SUMF1: variants seen among roughly 807,000 people sequenced by gnomAD.
The protein encoded by SUMF1 is sulfatase modifying factor 1.
A neutral mutation model predicts 47.6 loss-of-function variants in SUMF1; 48 were observed. That is an observed-to-expected ratio of 1.01 (90% CI 0.80 to 1.28). The LOEUF (loss-of-function observed/expected upper bound fraction) is 1.28, where lower values mean the gene tolerates loss of function less well. Ranked by LOEUF, SUMF1 falls within the 50% of genes most tolerant of loss-of-function variation. The pLI is 0.00. For missense variants in SUMF1, 571 were observed against 485.4 expected (o/e 1.18, Z -1.66); for synonymous variants, 230 against 192.1 (o/e 1.20, Z -1.63).
Position 4,155,955 on chromosome 3 carries a change from A to AC in SUMF1, c.1015-87211dup, listed in dbSNP as rs955175636. 7.9e-5 allele frequency among the ~76,000 whole-genome samples: 12 copies of AC among 151,252 alleles called. 1 individual carries two copies. The highest frequency in any genetic ancestry group is 3.0e-4 in the African/African-American group (12 of 40,642). On this transcript the variant is annotated intron_variant and NMD_transcript_variant, in intron 8 of 12. Transcript: ENST00000448413. The stretch of plus-strand genomic sequence containing the variant: ...TCCCTTTCCCCTGAACACAGTAATT[A>AC]CCCCAGGTATAACACTTGACCAAAG...
intron 8 of SUMF1, among the ~76,000 whole-genome samples, chr3:4,091,934 AC>A (rs1157476361): frequency 1.3e-5 from 2 of 151,162 alleles, no homozygotes; most frequent in Admixed American, 6.6e-5. Flanking sequence ...TAATACTTGG[AC>A]CCCCCTCAAA....
At chr3:4,114,889 T>C (rs1198637234) in intron 8 of SUMF1, among the ~76,000 whole-genome samples, 1 of 152,108 alleles carries the variant, frequency 6.6e-6, no homozygotes, top group Non-Finnish European at 1.5e-5. Context: ...AGGGAAAATA[T>C]CTAGTCCTTG....
intron 3 of SUMF1, among the ~76,000 whole-genome samples, chr3:4,422,113 A>T (rs1387238788): frequency 6.6e-6 from 1 of 152,180 alleles, no homozygotes; most frequent in Non-Finnish European, 1.5e-5. Context: ...TTTTACAGAG[A>T]ACAGGGGAGT....
intron 1 of SUMF1, among the ~76,000 whole-genome samples, chr3:4,454,395 G>T (rs1174591391): frequency 6.6e-6 from 1 of 152,188 alleles, no homozygotes; most frequent in East Asian, 1.9e-4. Context: ...TCCACTTCAT[G>T]ATCACTAGCA....
At chr3:4,379,721 A>C (rs550910215) in intron 7 of SUMF1, among the ~76,000 whole-genome samples, 1 of 152,236 alleles carries the variant, frequency 6.6e-6, no homozygotes, top group East Asian at 1.9e-4. Flanking sequence ...ACACACCTAT[A>C]GTCCCAGCTA....
chr3:4,335,960 C>CAAAAAAAACAAAAAAAAAAAAAAAAAAA, intron 8 of SUMF1, among the ~76,000 whole-genome samples: 1 of 73,900 alleles, frequency 1.4e-5, no homozygotes, highest in African/African-American at 7.1e-5. Context: ...GATTCCAACT[C>CAAAAAAAACAAAAAAAAAAAAAAAAAAA]AAAAAAAAAA....
chr3:4,350,936 C>CA (rs1259032552), intron 8 of SUMF1, among the ~76,000 whole-genome samples: 4 of 144,024 alleles, frequency 2.8e-5, no homozygotes, highest in African/African-American at 1.1e-4. Context: ...ATTTGTACAA[C>CA]AAAAAAAGAA....
intron 8 of SUMF1, among the ~76,000 whole-genome samples, chr3:4,133,859 C>A (rs905610452): frequency 7.2e-5 from 11 of 152,024 alleles, no homozygotes; most frequent in Non-Finnish European, 1.0e-4. Context: ...CTGACTAATA[C>A]AGGTGTCTAC....
intron 8 of SUMF1, among the ~76,000 whole-genome samples, chr3:4,190,833 T>A (rs1695299359): frequency 6.6e-6 from 1 of 152,116 alleles, no homozygotes; most frequent in African/African-American, 2.4e-5. Flanking sequence ...CACAGATGGG[T>A]ATTCATTCAC....
intron 9 of SUMF1, among the ~76,000 whole-genome samples, chr3:4,066,859 G>A (rs1695389278): frequency 6.6e-6 from 1 of 152,180 alleles, no homozygotes; most frequent in Admixed American, 6.5e-5. Context: ...TCGCATACGA[G>A]CATAAGACCT....
intron 7 of SUMF1, among the ~76,000 whole-genome samples, chr3:4,408,805 T>C (rs1236549628): frequency 6.6e-6 from 1 of 151,938 alleles, no homozygotes; most frequent in Non-Finnish European, 1.5e-5. Flanking sequence ...ACCCCGTTTC[T>C]ACTAAAAATA....
In SUMF1 at chr3:4,150,380, G is replaced by A. The variant is rs150616426; in HGVS notation, c.1015-81635C>T. Among the ~76,000 whole-genome samples, 382 of 151,564 alleles carry A rather than the reference G, an allele frequency of 2.5e-3. 26 individuals are homozygous for A. Among genetic ancestry groups the A allele is most frequent in the African/African-American group, 9.0e-3 (369 of 40,970 alleles). On this transcript the variant is annotated intron_variant and NMD_transcript_variant, in intron 8 of 12. Coordinates refer to the SUMF1 transcript ENST00000448413. The stretch of plus-strand genomic sequence containing the variant: ...AGTTTGCGACCAGCCTGGGCAACAC[G>A]GTGAAATCCCGTCTCTACTAAAACA...
At position 4,421,800 on chromosome 3, in the gene SUMF1, T is replaced by TAATACA. The variant is rs553875758; in HGVS notation, c.520-1660_520-1655dup. On this transcript the variant is annotated intron_variant, in intron 3 of 8. Transcript: ENST00000272902. ...GCACCTGGCCTGCAAATGATTCTTC[T>TAATACA]AATACAAATACAAATACAAAAGAAA... is the stretch of plus-strand genomic sequence containing the variant. Among the ~76,000 whole-genome samples the TAATACA allele has an allele frequency of 3.2e-4, 49 of 152,282 alleles. 1 individual carries two copies. The highest frequency in any genetic ancestry group is 1.1e-3 in the African/African-American group (46 of 41,548).
At chr3:4,315,962 A>G (rs192148259) in intron 8 of SUMF1, among the ~76,000 whole-genome samples, 174 of 150,474 alleles carry the variant, frequency 1.2e-3, no homozygotes, top group South Asian at 2.3e-3. Flanking sequence ...TACGAGAATC[A>G]CTTGAGCCCA....
At chr3:4,100,115 C>A (rs1336577177) in intron 8 of SUMF1, among the ~76,000 whole-genome samples, 4 of 150,760 alleles carry the variant, frequency 2.7e-5, no homozygotes, top group Non-Finnish European at 5.9e-5. Flanking sequence ...TCTATAGTAA[C>A]CAAAGCAATC....
chr3:4,316,300 G>T (rs760872681), intron 8 of SUMF1: 2 of 1,089,750 alleles, frequency 1.8e-6, no homozygotes, highest in Non-Finnish European at 2.7e-6. Context: ...GAAACAACTC[G>T]CAACATCAAC....
chr3:4,306,084 C>T (rs533434074), intron 8 of SUMF1, among the ~76,000 whole-genome samples: 158 of 152,222 alleles, frequency 1.0e-3, no homozygotes, highest in African/African-American at 3.5e-3. Flanking sequence ...AACAGAAAAA[C>T]GCACTCTACC....
chr3:4,310,178 T>C (rs908020954), intron 8 of SUMF1, among the ~76,000 whole-genome samples: 1 of 152,188 alleles, frequency 6.6e-6, no homozygotes, highest in Non-Finnish European at 1.5e-5. Context: ...CAAAAAGTCA[T>C]TATGCAGCAC....
intron 7 of SUMF1, among the ~76,000 whole-genome samples, chr3:4,384,702 G>C (rs1219196961): frequency 6.6e-6 from 1 of 152,074 alleles, no homozygotes; most frequent in African/African-American, 2.4e-5. Flanking sequence ...CCATGGTGTG[G>C]ATGTATCGGT....
Sources: gnomAD v4.1 joint callset for allele counts (sites outside exome capture counted in the v4.1 genomes callset) on GRCh38, gnomAD v4.1.1 for gene constraint, MANE v1.5 for transcripts, NCBI Gene and HGNC (gene_info 2026-07-23, HGNC 2026-07-21) for gene names.